RAP1GAP2: variants seen among roughly 807,000 people sequenced by gnomAD.
The protein encoded by RAP1GAP2 is RAP1 GTPase activating protein 2, also known as rap1 GTPase-activating protein 2.
In RAP1GAP2, 27 loss-of-function variants were observed where a neutral mutation model predicts 95.0. The observed-to-expected ratio is 0.28, with a 90% CI of 0.21 to 0.39. RAP1GAP2 has a LOEUF of 0.39. Ranked by LOEUF, RAP1GAP2 falls within the 10% of genes least tolerant of loss-of-function variation. The pLI is 1.00. For missense variants in RAP1GAP2, 771 were observed against 970.0 expected (o/e 0.79, Z 2.72); for synonymous variants, 373 against 380.9 (o/e 0.98, Z 0.24).
At chr17:2,898,792 T>C (rs542158833) in intron 2 of RAP1GAP2, among the ~76,000 whole-genome samples, 299 of 152,344 alleles carry the variant, frequency 2.0e-3, no homozygotes, top group African/African-American at 6.5e-3. Flanking sequence ...TACCAGGCAC[T>C]GTGCTGAGTG....
intron 4 of RAP1GAP2, among the ~76,000 whole-genome samples, chr17:2,959,210 A>G (rs2044224376): frequency 2.0e-5 from 3 of 152,044 alleles, no homozygotes; most frequent in Admixed American, 2.0e-4. Flanking sequence ...CCCTTCCCAC[A>G]ACTTTGCCCC....
intron 2 of RAP1GAP2, among the ~76,000 whole-genome samples, chr17:2,830,010 GT>G: frequency 6.6e-6 from 1 of 151,952 alleles, no homozygotes; most frequent in South Asian, 2.1e-4. Flanking sequence ...ATTTTATTTT[GT>G]TGTGGTGAGA....
intron 8 of RAP1GAP2, among the ~76,000 whole-genome samples, chr17:2,977,531 G>A (rs906018965): frequency 6.6e-6 from 1 of 151,926 alleles, no homozygotes; most frequent in African/African-American, 2.4e-5. Context: ...GATCACTTGA[G>A]GTCAGGAGTT....
intron 2 of RAP1GAP2, among the ~76,000 whole-genome samples, chr17:2,841,823 T>C (rs996293556): frequency 1.3e-5 from 2 of 152,172 alleles, no homozygotes; most frequent in Non-Finnish European, 2.9e-5. Flanking sequence ...GGGCCATGGC[T>C]ACCCCAGGGA....
intron 2 of RAP1GAP2, among the ~76,000 whole-genome samples, chr17:2,836,132 A>T (rs1318393384): frequency 3.9e-5 from 6 of 152,064 alleles, no homozygotes; most frequent in African/African-American, 1.4e-4. Context: ...TCCCTGTGGG[A>T]GAATGAGTGG....
intron 3 of RAP1GAP2, among the ~76,000 whole-genome samples, chr17:2,916,477 C>A (rs1378073516): frequency 6.6e-6 from 1 of 152,202 alleles, no homozygotes; most frequent in Non-Finnish European, 1.5e-5. Flanking sequence ...TGCTGAAGGT[C>A]CCACAGCTGG....
chr17:2,760,395 T>C (rs1254012987), intron 1 of RAP1GAP2, among the ~76,000 whole-genome samples: 1 of 150,636 alleles, frequency 6.6e-6, no homozygotes, highest in Non-Finnish European at 1.5e-5. Flanking sequence ...GGGTGGAGTG[T>C]AGTGGCGCAA....
At chr17:2,994,902 C>T (rs2045901024) in intron 12 of RAP1GAP2, among the ~76,000 whole-genome samples, 1 of 152,192 alleles carries the variant, frequency 6.6e-6, no homozygotes, top group Non-Finnish European at 1.5e-5. Flanking sequence ...CAACCTCCAC[C>T]TCCTGGGTTC....
At chr17:2,800,691 G>T in intron 2 of RAP1GAP2, 141 bp downstream of exon 2, 2 of 909,470 alleles carry the variant, frequency 2.2e-6, no homozygotes, top group Non-Finnish European at 1.7e-6. Context: ...GGTGCTTCCA[G>T]ATCGGAGGAG....
intron 3 of RAP1GAP2, among the ~76,000 whole-genome samples, chr17:2,935,257 C>T (rs987478227): frequency 6.6e-6 from 1 of 152,154 alleles, no homozygotes; most frequent in Non-Finnish European, 1.5e-5. Flanking sequence ...CCTGTAATCC[C>T]AGCACTCTGG....
chr17:3,025,363 C>T (rs997478488), intron 19 of RAP1GAP2, among the ~76,000 whole-genome samples: 3 of 152,160 alleles, frequency 2.0e-5, no homozygotes, highest in Non-Finnish European at 4.4e-5. Context: ...GGCAACAGAG[C>T]GAGACTCAGT....
chr17:2,894,078 C>G (rs148002075), intron 2 of RAP1GAP2, among the ~76,000 whole-genome samples: 1 of 151,856 alleles, frequency 6.6e-6, no homozygotes, highest in Non-Finnish European at 1.5e-5. Flanking sequence ...GGGTTTGAGA[C>G]GAGCCTGGCC....
In RAP1GAP2 at chr17:2,796,461, C is replaced by T. The variant is rs2069085801; in HGVS notation, c.-67C>T. ...GCACTGACCCCGCTGTACCACGGCC[C>T]TCTTGCGGACAGCCCCGGGGACGTC... is the stretch of plus-strand genomic sequence containing the variant. On this transcript the variant is annotated 5_prime_UTR_variant, in exon 1 of 25. Transcript: ENST00000254695. The surrounding 1 kb of genome is among the most constrained non-coding windows in gnomAD (Gnocchi z 4.7). 1 of 1,532,718 alleles carries T rather than the reference C, an allele frequency of 6.5e-7. No homozygotes were observed. The highest frequency in any genetic ancestry group is 2.0e-5 in the Admixed American group (1 of 50,982). The allele number at this position is 1,532,718 out of a possible 1,614,324, so 94.9% of individuals were successfully genotyped here.
chr17:2,868,447 C>T (rs1461121288), intron 2 of RAP1GAP2, among the ~76,000 whole-genome samples: 2 of 151,950 alleles, frequency 1.3e-5, no homozygotes, highest in African/African-American at 2.4e-5. Context: ...TGAAATGCGA[C>T]TAAGACTAAT....
In RAP1GAP2 at chr17:2,999,252, T is replaced by C. The variant is rs1041983129; in HGVS notation, c.1200+876T>C. On this transcript the variant is annotated intron_variant, in intron 14 of 24. Coordinates refer to ENST00000254695, the MANE Select transcript of RAP1GAP2 (RefSeq NM_015085.5). ...CTCCACGAGAAAGAATCTCCACCTCTTGGGCAACAGTCTCTTGGTATCACA... is the reference window on the plus strand; with the variant it reads ...CTCCACGAGAAAGAATCTCCACCTCCTGGGCAACAGTCTCTTGGTATCACA... Among the ~76,000 whole-genome samples the C allele has an allele frequency of 2.6e-5, 4 of 152,326 alleles. No homozygotes were observed. The South Asian group carries it at 8.3e-4, about 32-fold the overall frequency.
intron 2 of RAP1GAP2, among the ~76,000 whole-genome samples, chr17:2,868,496 C>A (rs531663054): frequency 2.0e-5 from 3 of 150,370 alleles, no homozygotes; most frequent in African/African-American, 7.3e-5. Context: ...TCTTATTTAG[C>A]AATTCCTCTA....
At chr17:2,881,096 A>G (rs2073268695) in intron 2 of RAP1GAP2, among the ~76,000 whole-genome samples, 1 of 152,088 alleles carries the variant, frequency 6.6e-6, no homozygotes, top group Non-Finnish European at 1.5e-5. Context: ...CCCCATCTCT[A>G]CTAAAAATGC....
intron 3 of RAP1GAP2, among the ~76,000 whole-genome samples, chr17:2,918,388 G>A (rs542788768): frequency 6.9e-6 from 1 of 145,826 alleles, no homozygotes; most frequent in South Asian, 2.1e-4. Flanking sequence ...AGTCGACATC[G>A]TGCCACTACA....
chr17:2,818,293 CTTTATTTATTTATTTATTTA>C (rs149867844), intron 2 of RAP1GAP2, among the ~76,000 whole-genome samples: 20 of 136,334 alleles, frequency 1.5e-4, no homozygotes, highest in South Asian at 2.4e-4. Context: ...TCTCAGCCCA[CTTTATTTATTTATTTATTTA>C]TTTATTTATT....
Sources: gnomAD v4.1 joint callset for allele counts (sites outside exome capture counted in the v4.1 genomes callset) on GRCh38, gnomAD v4.1.1 for gene constraint, Gnocchi (gnomAD v3.1) non-coding constraint, MANE v1.5 for transcripts, NCBI Gene and HGNC (gene_info 2026-07-23, HGNC 2026-07-21) for gene names.